NEK11: variants seen among roughly 807,000 people sequenced by gnomAD.
The protein encoded by NEK11 is serine/threonine-protein kinase Nek11.
NEK11 carries 72 observed loss-of-function variants against 80.7 expected under a neutral mutation model. The ratio of observed to expected loss-of-function variants is 0.89; its 90% CI spans 0.74 to 1.08. The LOEUF is 1.08. Among genes scored for constraint, NEK11 ranks in the 50% least tolerant of loss-of-function variants. The pLI, the probability that NEK11 is intolerant of heterozygous loss-of-function variation, is 0.00. For missense variants in NEK11, 764 were observed against 763.6 expected (o/e 1.00, Z -0.01); for synonymous variants, 251 against 260.7 (o/e 0.96, Z 0.36).
intron 16 of NEK11, among the ~76,000 whole-genome samples, chr3:131,265,847 A>G (rs2096043890): frequency 6.6e-6 from 1 of 152,108 alleles, no homozygotes; most frequent in South Asian, 2.1e-4. Context: ...CTGGTCCTGG[A>G]CTTTTTTTGG....
chr3:131,169,807 G>A (rs1395288335), intron 13 of NEK11, among the ~76,000 whole-genome samples: 1 of 152,132 alleles, frequency 6.6e-6, no homozygotes, highest in Non-Finnish European at 1.5e-5. Flanking sequence ...TTAATTGAGA[G>A]TCCAAATACA....
At chr3:131,215,874 C>T (rs72989878) in intron 14 of NEK11, among the ~76,000 whole-genome samples, 2,056 of 152,256 alleles carry the variant, frequency 0.014, 30 homozygotes, top group African/African-American at 0.042. Flanking sequence ...AAACTGAAAG[C>T]GGAGGCTGTG....
At position 131,052,396 on chromosome 3, in the gene NEK11, A is replaced by C. The variant is rs550800976; in HGVS notation, c.170+22518A>C. On this transcript the variant is annotated intron_variant, in intron 3 of 17. Coordinates refer to ENST00000383366, the MANE Select transcript of NEK11 (RefSeq NM_024800.5). Reference sequence around the variant, plus strand: ...AAACATGCCACTATTTCTTGCATGAATTTTTAAGATAAAACATAACATTTC... The same window carrying C: ...AAACATGCCACTATTTCTTGCATGACTTTTTAAGATAAAACATAACATTTC... Among the ~76,000 whole-genome samples, 5 of 152,320 alleles carry C rather than the reference A, an allele frequency of 3.3e-5. No individual in the cohort carries two copies. In the East Asian group the frequency reaches 9.6e-4, roughly 29 times the overall value.
chr3:131,255,292 G>T (rs2095796411), intron 16 of NEK11, among the ~76,000 whole-genome samples: 1 of 152,096 alleles, frequency 6.6e-6, no homozygotes, highest in East Asian at 1.9e-4. Flanking sequence ...ACTGAGCAAT[G>T]ATGATCCTAA....
chr3:131,135,847 C>T (rs2085450441), intron 7 of NEK11, among the ~76,000 whole-genome samples: 1 of 152,102 alleles, frequency 6.6e-6, no homozygotes, highest in East Asian at 1.9e-4. Context: ...CTCCTTTTGA[C>T]AGGCAGCTAT....
chr3:131,284,662 C>T (rs767871366), intron 17 of NEK11, among the ~76,000 whole-genome samples: 2 of 152,124 alleles, frequency 1.3e-5, no homozygotes, highest in African/African-American at 2.4e-5. Flanking sequence ...AATCAGCTGC[C>T]AGCATGGCTA....
intron 17 of NEK11, among the ~76,000 whole-genome samples, chr3:131,282,415 C>T (rs2096410533): frequency 6.6e-6 from 1 of 152,072 alleles, no homozygotes; most frequent in African/African-American, 2.4e-5. Flanking sequence ...CTTCATAGAA[C>T]TGTCTCATGC....
chr3:131,078,201 A>T (rs964566450), intron 3 of NEK11, among the ~76,000 whole-genome samples: 2 of 152,152 alleles, frequency 1.3e-5, no homozygotes, highest in Non-Finnish European at 2.9e-5. Context: ...AGAATATTTA[A>T]AGTGAATAAA....
intron 3 of NEK11, 58 bp downstream of exon 3, chr3:131,029,936 A>C (rs1397826949): frequency 3.9e-6 from 6 of 1,523,122 alleles, no homozygotes; most frequent in Non-Finnish European, 4.5e-6. Flanking sequence ...TGCAGGTCTT[A>C]GCTGATTAGG....
intron 7 of NEK11, among the ~76,000 whole-genome samples, chr3:131,151,475 T>G (rs1457258922): frequency 6.6e-6 from 1 of 152,092 alleles, no homozygotes; most frequent in Non-Finnish European, 1.5e-5. Context: ...ATGTATTTAT[T>G]TCTGTCTATC....
intron 4 of NEK11, among the ~76,000 whole-genome samples, chr3:131,108,537 G>A (rs1317884193): frequency 1.2e-4 from 18 of 152,026 alleles, no homozygotes; most frequent in Admixed American, 1.2e-3. Context: ...TCAGGTCTAA[G>A]GGTTCTCTAA....
intron 14 of NEK11, among the ~76,000 whole-genome samples, chr3:131,197,743 G>T (rs1258944743): frequency 6.6e-6 from 1 of 152,148 alleles, no homozygotes; most frequent in Non-Finnish European, 1.5e-5. Context: ...TCCTCGTGAG[G>T]TTCCCTATTC....
intron 3 of NEK11, among the ~76,000 whole-genome samples, chr3:131,044,426 A>AAG: frequency 1.0e-5 from 1 of 99,076 alleles, no homozygotes; most frequent in African/African-American, 3.6e-5. Context: ...GGAAAGCAAA[A>AAG]AAAAAAAAAA....
intron 14 of NEK11, among the ~76,000 whole-genome samples, chr3:131,219,499 T>G (rs2094949042): frequency 6.6e-6 from 1 of 151,286 alleles, no homozygotes; most frequent in Non-Finnish European, 1.5e-5. Context: ...AGGACGCGTG[T>G]GTATCCATGG....
intron 17 of NEK11, among the ~76,000 whole-genome samples, chr3:131,338,155 C>T (rs987138858): frequency 2.6e-5 from 4 of 151,442 alleles, no homozygotes; most frequent in East Asian, 3.9e-4. Flanking sequence ...TTAGTAGAGA[C>T]GGGGTTTCAC....
chr3:131,280,547 A>G (rs1288327327), intron 17 of NEK11, among the ~76,000 whole-genome samples: 1 of 152,202 alleles, frequency 6.6e-6, no homozygotes, highest in East Asian at 1.9e-4. Flanking sequence ...AATTGACTGG[A>G]ACATTCAGTG....
At chr3:131,097,796 G>GGAA (rs1560386543) in intron 4 of NEK11, among the ~76,000 whole-genome samples, 1 of 139,898 alleles carries the variant, frequency 7.1e-6, no homozygotes, top group Non-Finnish European at 1.6e-5. Flanking sequence ...CACAGAATTG[G>GGAA]AAAAAACTAC....
intron 14 of NEK11, among the ~76,000 whole-genome samples, chr3:131,179,022 A>G (rs185029682): frequency 6.6e-6 from 1 of 152,340 alleles, no homozygotes; most frequent in East Asian, 1.9e-4. Context: ...AGGTGGGGTC[A>G]TTAAGAGGCA....
intron 17 of NEK11, among the ~76,000 whole-genome samples, chr3:131,332,148 G>A (rs180904004): frequency 6.0e-4 from 92 of 152,302 alleles, no homozygotes; most frequent in African/African-American, 2.2e-3. Flanking sequence ...ATCTGAGAAC[G>A]GGCAGACTGC....
Sources: allele counts gnomAD v4.1 joint callset (sites outside exome capture counted in the v4.1 genomes callset), GRCh38; gene constraint gnomAD v4.1.1; transcripts MANE v1.5; gene names NCBI Gene and HGNC (gene_info 2026-07-23, HGNC 2026-07-21).